CFAP61: variants seen among roughly 807,000 people sequenced by gnomAD.
The protein encoded by CFAP61 is cilia and flagella associated protein 61.
In CFAP61, 107 loss-of-function variants were observed where a neutral mutation model predicts 135.6. That is an observed-to-expected ratio of 0.79 (90% confidence interval 0.67 to 0.93). CFAP61 has a LOEUF of 0.93. CFAP61 is among the 40% of genes least tolerant of loss of function. The pLI, the probability that CFAP61 is intolerant of heterozygous loss-of-function variation, is 0.00. For synonymous variants in CFAP61, 575 were observed against 578.5 expected (o/e 0.99, Z 0.09); for missense variants, 1,507 against 1,556.2 (o/e 0.97, Z 0.53).
chr20:20,107,518 A>G (rs2048494116), intron 8 of CFAP61: 1 of 152,244 alleles, frequency 6.6e-6, no homozygotes, highest in Admixed American at 6.5e-5. Flanking sequence ...TTAATTTAGT[A>G]TATGAAGATG....
chr20:20,288,530 C>G, intron 22 of CFAP61, 79 bp from the exon 23 acceptor site: 2 of 1,095,894 alleles, frequency 1.8e-6, no homozygotes, highest in Non-Finnish European at 2.7e-6. Flanking sequence ...TAATAAAATG[C>G]CCTGGAGACT....
At chr20:20,334,861 T>C (rs2058122197) in intron 25 of CFAP61, among the ~76,000 whole-genome samples, 1 of 152,210 alleles carries the variant, frequency 6.6e-6, no homozygotes, top group South Asian at 2.1e-4. Flanking sequence ...CATCTCAGTC[T>C]TTGGGATTTT....
At chr20:20,159,338 T>A (rs1569029582) in intron 9 of CFAP61, 32 bp from the exon 10 acceptor site, 2 of 1,610,096 alleles carry the variant, frequency 1.2e-6, no homozygotes, top group Non-Finnish European at 1.7e-6. Context: ...AGGTGTCGAT[T>A]AATTTTCATG....
intron 25 of CFAP61, among the ~76,000 whole-genome samples, chr20:20,338,323 G>A (rs1602087512): frequency 6.6e-6 from 1 of 152,228 alleles, no homozygotes; most frequent in African/African-American, 2.4e-5. Context: ...TGCCTGCCTG[G>A]AGAAAAGTGG....
At chr20:20,179,976 T>C (rs1253897873) in intron 13 of CFAP61, among the ~76,000 whole-genome samples, 1 of 152,156 alleles carries the variant, frequency 6.6e-6, no homozygotes, top group Non-Finnish European at 1.5e-5. Flanking sequence ...AAAGGTGTCA[T>C]GATGAAGATG....
chr20:20,257,576 T>C (rs2051720164), intron 20 of CFAP61, among the ~76,000 whole-genome samples: 1 of 139,548 alleles, frequency 7.2e-6, no homozygotes, highest in Non-Finnish European at 1.5e-5. Context: ...ATTGTGCCAC[T>C]GCACTCCAGC....
At chr20:20,075,733 C>A in intron 6 of CFAP61, 118 bp downstream of exon 6, 1 of 1,048,436 alleles carries the variant, frequency 9.5e-7, no homozygotes, top group Non-Finnish European at 1.4e-6. Flanking sequence ...TTTTACAATA[C>A]TCATAAGCAT....
At chr20:20,131,337 T>C (rs982995519) in intron 8 of CFAP61, among the ~76,000 whole-genome samples, 1 of 25,816 alleles carries the variant, frequency 3.9e-5, no homozygotes, top group African/African-American at 1.7e-4. Flanking sequence ...TAAATTGTTA[T>C]ATACCTATTT....
At chr20:20,227,990 C>T (rs923324871) in intron 17 of CFAP61, among the ~76,000 whole-genome samples, 2 of 152,172 alleles carry the variant, frequency 1.3e-5, no homozygotes, top group Admixed American at 1.3e-4. Context: ...TATGAAACAT[C>T]TGTCAGCATT....
At chr20:20,127,946 T>A (rs1600818320) in intron 8 of CFAP61, among the ~76,000 whole-genome samples, 1 of 151,158 alleles carries the variant, frequency 6.6e-6, no homozygotes, top group African/African-American at 2.5e-5. Flanking sequence ...CTCTGGTGAG[T>A]CATGCAGGTT....
chr20:20,346,379 ATGG>A (rs1426492916), intron 26 of CFAP61, among the ~76,000 whole-genome samples: 1 of 151,066 alleles, frequency 6.6e-6, no homozygotes, highest in Non-Finnish European at 1.5e-5. Flanking sequence ...CTAGCTGGGC[ATGG>A]TGGTGGGCGG....
intron 25 of CFAP61, among the ~76,000 whole-genome samples, chr20:20,310,237 A>T (rs1214567675): frequency 6.6e-6 from 1 of 152,036 alleles, no homozygotes; most frequent in African/African-American, 2.4e-5. Flanking sequence ...CAGATGATCC[A>T]CCTGCCTCAG....
chr20:20,114,412 CAATT>C (rs1292787979), intron 8 of CFAP61, among the ~76,000 whole-genome samples: 1 of 152,076 alleles, frequency 6.6e-6, no homozygotes, highest in Non-Finnish European at 1.5e-5. Context: ...GTATAGCCCA[CAATT>C]TATTTATTGA....
At chr20:20,125,369 C>T (rs967825560) in intron 8 of CFAP61, among the ~76,000 whole-genome samples, 2 of 151,670 alleles carry the variant, frequency 1.3e-5, no homozygotes, top group South Asian at 4.1e-4. Context: ...TATGAACTTC[C>T]TCTTAGCACC....
intron 8 of CFAP61, among the ~76,000 whole-genome samples, chr20:20,138,210 C>G (rs892188912): frequency 6.6e-6 from 1 of 152,264 alleles, no homozygotes; most frequent in South Asian, 2.1e-4. Flanking sequence ...CTGTGAGATG[C>G]GGTGCCTGGG....
At chr20:20,151,420 G>A (rs929728308) in intron 9 of CFAP61, among the ~76,000 whole-genome samples, 1 of 151,764 alleles carries the variant, frequency 6.6e-6, no homozygotes, top group Non-Finnish European at 1.5e-5. Context: ...CCAAACCTAA[G>A]GATAACTGGT....
At chr20:20,295,210 C>G (rs1355656320) in intron 24 of CFAP61, among the ~76,000 whole-genome samples, 2 of 152,090 alleles carry the variant, frequency 1.3e-5, no homozygotes, top group East Asian at 3.9e-4. Context: ...CAAGTCAGCC[C>G]TCCTAAACAC....
chr20:20,154,777 A>C (rs539177885), intron 9 of CFAP61, among the ~76,000 whole-genome samples: 1 of 152,346 alleles, frequency 6.6e-6, no homozygotes, highest in Non-Finnish European at 1.5e-5. Context: ...ATCACTGATG[A>C]CACAAACAAA....
At chr20:20,317,754 C>T (rs142703673) in intron 25 of CFAP61, among the ~76,000 whole-genome samples, 2 of 152,118 alleles carry the variant, frequency 1.3e-5, no homozygotes, top group Non-Finnish European at 2.9e-5. Context: ...TAGAACCCAG[C>T]GCAGTCACGC....
Sources: gnomAD v4.1 joint callset for allele counts (sites outside exome capture counted in the v4.1 genomes callset) on GRCh38, gnomAD v4.1.1 for gene constraint, MANE v1.5 for transcripts, NCBI Gene and HGNC (gene_info 2026-07-23, HGNC 2026-07-21) for gene names.